Variants in HIVEP3 observed in about 807,000 individuals in gnomAD.
The protein encoded by HIVEP3 is transcription factor HIVEP3.
A neutral mutation model predicts 152.8 loss-of-function variants in HIVEP3; 49 were observed. That is an observed-to-expected ratio of 0.32 (90% CI 0.26 to 0.41). The LOEUF is 0.41. Among genes scored for constraint, HIVEP3 ranks in the 10% least tolerant of loss-of-function variants. The probability of loss-of-function intolerance (pLI) is 1.00; values close to 1 mark genes in which losing one functional copy is unlikely to be tolerated. For missense variants in HIVEP3, 2,790 were observed against 3,103.3 expected, an observed-to-expected ratio of 0.90 and a Z score of 2.40; for synonymous variants, 1,269 against 1,289.0, an observed-to-expected ratio of 0.98 and a Z score of 0.33.
chr1:41,934,416 T>C (rs1645010329), intron 1 of HIVEP3, among the ~76,000 whole-genome samples: 1 of 152,188 alleles, frequency 6.6e-6, no homozygotes, highest in Non-Finnish European at 1.5e-5. Context: ...GCCTACTGGG[T>C]ACCCAGCAAC....
At chr1:41,970,422 C>T (rs1423446879) in intron 1 of HIVEP3, among the ~76,000 whole-genome samples, 5 of 152,114 alleles carry the variant, frequency 3.3e-5, no homozygotes. Context: ...TTATCCTCAG[C>T]AAACTAATGC....
upstream of HIVEP3, among the ~76,000 whole-genome samples, chr1:41,923,650 G>T (rs79439314): frequency 6.6e-6 from 1 of 152,004 alleles, no homozygotes; most frequent in South Asian, 2.1e-4. Flanking sequence ...GATTTTAAAC[G>T]TTCTCACCAC....
intron 1 of HIVEP3, among the ~76,000 whole-genome samples, chr1:41,929,477 AC>A (rs1644984755): frequency 6.6e-6 from 1 of 151,702 alleles, no homozygotes; most frequent in Non-Finnish European, 1.5e-5. Flanking sequence ...TAGTTTGCCT[AC>A]CCAGTCCTGG....
intron 2 of HIVEP3, among the ~76,000 whole-genome samples, chr1:41,671,781 C>T (rs1205727303): frequency 6.6e-6 from 1 of 152,138 alleles, no homozygotes; most frequent in Non-Finnish European, 1.5e-5. Context: ...AAAGGAAGGA[C>T]CAGTTGTTTG....
chr1:41,703,364 C>T (rs934405182), intron 1 of HIVEP3, among the ~76,000 whole-genome samples: 4 of 152,164 alleles, frequency 2.6e-5, no homozygotes, highest in Admixed American at 2.0e-4. Flanking sequence ...TCCATAAGGG[C>T]AGAGACTATG....
intron 1 of HIVEP3, among the ~76,000 whole-genome samples, chr1:41,703,762 T>TTTAAGTATTATTAAATATCTATGC (rs1163329256): frequency 5.3e-5 from 8 of 152,356 alleles, no homozygotes; most frequent in Non-Finnish European, 1.0e-4. Flanking sequence ...GTATCTATGC[T>TTTAAGTATTATTAAATATCTATGC]TTAAGTATTA....
chr1:41,590,743 A>G (rs2149115271), intron 3 of HIVEP3, among the ~76,000 whole-genome samples: 1 of 152,336 alleles, frequency 6.6e-6, no homozygotes, highest in South Asian at 2.1e-4. Context: ...AAGTGGGGAC[A>G]CAGGGAGAGG....
At chr1:41,856,489 A>G (rs1557452408) in intron 1 of HIVEP3, among the ~76,000 whole-genome samples, 1 of 152,202 alleles carries the variant, frequency 6.6e-6, no homozygotes. Context: ...AGCTTCTCCA[A>G]AAACATTACA....
chr1:41,708,397 C>G (rs1005249606), intron 1 of HIVEP3, among the ~76,000 whole-genome samples: 3 of 152,166 alleles, frequency 2.0e-5, no homozygotes, highest in Non-Finnish European at 4.4e-5. Context: ...ATCAGCTCTC[C>G]TGGTCTTGGT....
chr1:41,835,824 C>T (rs920057592), intron 1 of HIVEP3, among the ~76,000 whole-genome samples: 2 of 152,200 alleles, frequency 1.3e-5, no homozygotes, highest in African/African-American at 4.8e-5. Context: ...GCAGTGCTCC[C>T]TGGGCCCCTC....
At chr1:41,514,942 G>A (rs981191339) in intron 7 of HIVEP3, among the ~76,000 whole-genome samples, 9 of 152,180 alleles carry the variant, frequency 5.9e-5, no homozygotes, top group East Asian at 1.9e-4. Context: ...CCAACCAGTC[G>A]GGTCACCTCT....
At chr1:41,924,233 G>A (rs1481870994) in intron 1 of HIVEP3, among the ~76,000 whole-genome samples, 4 of 152,178 alleles carry the variant, frequency 2.6e-5, no homozygotes, top group African/African-American at 4.8e-5. Flanking sequence ...GGAGCAGAAA[G>A]AGGTAGGAAT....
intron 1 of HIVEP3, among the ~76,000 whole-genome samples, chr1:41,748,364 C>T (rs531862283): frequency 1.3e-5 from 2 of 152,192 alleles, no homozygotes; most frequent in Non-Finnish European, 2.9e-5. Flanking sequence ...AATGACATAC[C>T]AAAGCCACAC....
chr1:41,884,232 T>C (rs1052810671), intron 1 of HIVEP3, among the ~76,000 whole-genome samples: 1 of 152,186 alleles, frequency 6.6e-6, no homozygotes, highest in African/African-American at 2.4e-5. Context: ...TCCCAAAGTC[T>C]TGAGATTACA....
chr1:41,595,406 C>T (rs902912569), intron 3 of HIVEP3, among the ~76,000 whole-genome samples: 2 of 152,182 alleles, frequency 1.3e-5, no homozygotes, highest in African/African-American at 2.4e-5. Context: ...CTCTCTCCAT[C>T]CTGCTCTTAC....
chr1:41,577,255 T>C (rs760562154), intron 4 of HIVEP3, among the ~76,000 whole-genome samples: 2 of 152,348 alleles, frequency 1.3e-5, no homozygotes, highest in South Asian at 4.1e-4. Context: ...CAGTGTGGCA[T>C]ACACTGTTCT....
At chr1:41,670,854 G>A (rs532805637) in intron 2 of HIVEP3, among the ~76,000 whole-genome samples, 1 of 152,320 alleles carries the variant, frequency 6.6e-6, no homozygotes, top group Non-Finnish European at 1.5e-5. Context: ...GGCCTGGCAG[G>A]CCACCGTGAG....
At chr1:41,651,603 T>G (rs1427855265) in intron 2 of HIVEP3, among the ~76,000 whole-genome samples, 1 of 152,222 alleles carries the variant, frequency 6.6e-6, no homozygotes, top group Non-Finnish European at 1.5e-5. Flanking sequence ...TACACCATTT[T>G]ATATAAAGGA....
intron 5 of HIVEP3, among the ~76,000 whole-genome samples, chr1:41,565,202 T>C (rs1232968354): frequency 2.0e-5 from 3 of 152,162 alleles, no homozygotes; most frequent in Non-Finnish European, 2.9e-5. Flanking sequence ...TTATTTATGA[T>C]ACAACACTAA....
Sources: allele counts gnomAD v4.1 joint callset (sites outside exome capture counted in the v4.1 genomes callset), GRCh38; gene constraint gnomAD v4.1.1; transcripts MANE v1.5; gene names NCBI Gene and HGNC (gene_info 2026-07-23, HGNC 2026-07-21).